The following SLC23A2 variants were observed in gnomAD, a reference collection of about 807,000 sequenced individuals.
SLC23A2 encodes the protein Na(+)/L-ascorbic acid transporter 2.
SLC23A2 carries 36 observed loss-of-function variants against 73.3 expected under a neutral mutation model. That is an observed-to-expected ratio of 0.49 (90% CI 0.38 to 0.65). The LOEUF is 0.65. SLC23A2 is among the 30% of genes least tolerant of loss of function. The pLI is 0.00. For synonymous variants in SLC23A2, 343 were observed against 327.3 expected (o/e 1.05, Z -0.52); for missense variants, 507 against 841.6 (o/e 0.60, Z 4.92).
chr20:4,970,364 C>T (rs1380788486), intron 2 of SLC23A2, among the ~76,000 whole-genome samples: 1 of 152,082 alleles, frequency 6.6e-6, no homozygotes, highest in Non-Finnish European at 1.5e-5. Context: ...GTTCTCAACA[C>T]GTAAAAAACG....
At chr20:4,984,996 G>T (rs2087800097) in intron 1 of SLC23A2, among the ~76,000 whole-genome samples, 2 of 152,086 alleles carry the variant, frequency 1.3e-5, no homozygotes, top group Admixed American at 1.3e-4. Flanking sequence ...AATTAGCTGG[G>T]CGTGGTGGCA....
At chr20:4,918,589 G>A in intron 3 of SLC23A2, among the ~76,000 whole-genome samples, 1 of 152,138 alleles carries the variant, frequency 6.6e-6, no homozygotes, top group East Asian at 1.9e-4. Flanking sequence ...TAGGAAGCAG[G>A]AGTGACAGAA....
intron 3 of SLC23A2, among the ~76,000 whole-genome samples, chr20:4,915,983 C>A (rs1242208967): frequency 6.6e-6 from 1 of 152,096 alleles, no homozygotes; most frequent in Non-Finnish European, 1.5e-5. Flanking sequence ...AAAATAAAAA[C>A]TATGCCAGAG....
chr20:4,881,816 A>G (rs1409299428), intron 9 of SLC23A2, among the ~76,000 whole-genome samples: 1 of 151,954 alleles, frequency 6.6e-6, no homozygotes, highest in Non-Finnish European at 1.5e-5. Flanking sequence ...TCTTGCCATC[A>G]TTTCCTAAAC....
intron 3 of SLC23A2, among the ~76,000 whole-genome samples, chr20:4,930,355 T>C (rs767318280): frequency 1.3e-5 from 2 of 152,242 alleles, no homozygotes; most frequent in African/African-American, 4.8e-5. Flanking sequence ...GTGTCAACCT[T>C]AAGCTTTCAA....
intron 1 of SLC23A2, among the ~76,000 whole-genome samples, chr20:5,008,952 C>T (rs1024783302): frequency 1.1e-4 from 16 of 152,092 alleles, no homozygotes; most frequent in African/African-American, 2.2e-4. Context: ...AAAAAAGCCA[C>T]GTACAGTATT....
At chr20:4,969,215 A>C (rs1042006654) in intron 2 of SLC23A2, among the ~76,000 whole-genome samples, 2 of 148,778 alleles carry the variant, frequency 1.3e-5, no homozygotes, top group African/African-American at 5.0e-5. Context: ...AGCCTCCCGA[A>C]TAGCTGGGAT....
At chr20:4,968,023 C>G (rs749575949) in intron 2 of SLC23A2, among the ~76,000 whole-genome samples, 1 of 152,190 alleles carries the variant, frequency 6.6e-6, no homozygotes, top group South Asian at 2.1e-4. Context: ...TGACACCAAC[C>G]ATCCAACTAG....
At position 4,969,615 on chromosome 20, in the gene SLC23A2, C is replaced by T. The variant is rs189303464; in HGVS notation, c.-155+1178G>A. On this transcript the variant is annotated intron_variant, in intron 2 of 16. Coordinates refer to ENST00000338244, the MANE Select transcript of SLC23A2 (RefSeq NM_005116.6). ...TTTTTTTTTTCTTGAGGCAGGGTCT[C>T]ACTCTGCCACCCAGGCTAGAGTGCG... Among the ~76,000 whole-genome samples the T allele has an allele frequency of 8.4e-3, 1,189 of 142,046 alleles. 15 individuals carry two copies. Among genetic ancestry groups the T allele is most frequent in the African/African-American group, 0.029 (1,110 of 37,694 alleles). 93.2% of individuals were successfully genotyped at this position (142,046 alleles called of 152,430 possible).
At chr20:4,866,581 A>G (rs1930209677) in intron 13 of SLC23A2, among the ~76,000 whole-genome samples, 1 of 152,208 alleles carries the variant, frequency 6.6e-6, no homozygotes, top group Non-Finnish European at 1.5e-5. Flanking sequence ...AGGGAGCAAC[A>G]GGCAGATGGG....
chr20:4,881,220 G>C (rs571270435), intron 9 of SLC23A2, among the ~76,000 whole-genome samples: 8 of 152,338 alleles, frequency 5.3e-5, no homozygotes, highest in Admixed American at 5.2e-4. Flanking sequence ...TTTACAGATG[G>C]AGATGTCTTG....
rs995426961 is a variant in SLC23A2, at chr20:4,998,058, T to C, written c.-282+3348A>G. Among the ~76,000 whole-genome samples, 1 of 152,150 alleles carries C rather than the reference T, an allele frequency of 6.6e-6. No individual in the cohort carries two copies. The highest frequency in any genetic ancestry group is 2.4e-5 in the African/African-American group (1 of 41,440). On this transcript the variant is annotated intron_variant, in intron 1 of 16. Coordinates refer to ENST00000338244, the MANE Select transcript of SLC23A2 (RefSeq NM_005116.6). The surrounding 1 kb of genome is among the most constrained non-coding windows in gnomAD (Gnocchi z 4.1). ...CCTTGGACTTCCCAGACTCCAGAATTATACGAAACAAATTTCCGTTGTTTA... is the reference window on the plus strand; with the variant it reads ...CCTTGGACTTCCCAGACTCCAGAATCATACGAAACAAATTTCCGTTGTTTA...
chr20:4,961,881 G>C (rs1469312657), intron 2 of SLC23A2, among the ~76,000 whole-genome samples: 1 of 152,188 alleles, frequency 6.6e-6, no homozygotes, highest in East Asian at 1.9e-4. Context: ...AAAACTTTTG[G>C]AATTTGTTCG....
In SLC23A2 at chr20:4,862,929, G is replaced by A; in HGVS notation, c.1357-22C>T. 1 of 1,595,852 alleles carries A rather than the reference G, an allele frequency of 6.3e-7. No homozygotes were observed. The highest frequency in any genetic ancestry group is 1.1e-5 in the South Asian group (1 of 90,368). ...CGACCTGCAGAACACACAGGAGACTGGGAAACAGGGACTCATCTCCATGCA... is the reference window on the plus strand; with the variant it reads ...CGACCTGCAGAACACACAGGAGACTAGGAAACAGGGACTCATCTCCATGCA... On this transcript the variant is annotated intron_variant, in intron 13 of 16. Coordinates refer to ENST00000338244, the MANE Select transcript of SLC23A2 (RefSeq NM_005116.6). This position sits in a 1 kb window ranked among gnomAD's most constrained non-coding sequence, Gnocchi z 5.1.
At chr20:4,867,578 C>T (rs923421740) in intron 13 of SLC23A2, among the ~76,000 whole-genome samples, 192 bp downstream of exon 13, 3 of 149,648 alleles carry the variant, frequency 2.0e-5, no homozygotes, top group South Asian at 2.1e-4. Context: ...CCTCCCTACC[C>T]GGACCAGCAA....
rs74381250 is a variant in SLC23A2 at position 4,874,132 on chromosome 20, C to T, written c.946-40G>A. The T allele has an allele frequency of 1.7e-5, 27 of 1,591,204 alleles. No homozygotes were observed. In the African/African-American group the frequency reaches 3.1e-4, roughly 18 times the overall value. On this transcript the variant is annotated intron_variant, in intron 10 of 16. Transcript: ENST00000338244. ...GGGAAGCTCTGTCAGGCCAGCAGGG[C>T]TCACAGGTGTTGGCAAAAAACACGT...
At position 4,895,571 on chromosome 20, in the gene SLC23A2, C is replaced by T. The variant is rs558259302; in HGVS notation, c.482+3984G>A. On this transcript the variant is annotated intron_variant, in intron 6 of 16. Transcript: ENST00000338244. ...TAAAATTAGGCGAAATATATCATTCCCAGGACACCTGAGGGAGAAGCCTTC... is the reference window on the plus strand; with the variant it reads ...TAAAATTAGGCGAAATATATCATTCTCAGGACACCTGAGGGAGAAGCCTTC... Among the ~76,000 whole-genome samples the T allele has an allele frequency of 1.2e-4, 19 of 152,168 alleles. No individual in the cohort carries two copies. In the East Asian group the frequency reaches 3.7e-3, roughly 29 times the overall value.
chr20:4,941,956 A>G (rs2087049212), intron 2 of SLC23A2, among the ~76,000 whole-genome samples: 1 of 152,214 alleles, frequency 6.6e-6, no homozygotes, highest in Admixed American at 6.5e-5. Context: ...GTTGAGTGAT[A>G]GAAACACAAA....
Position 4,854,931 on chromosome 20 carries a change from G to A in SLC23A2, c.*2041C>T, listed in dbSNP as rs1411414873. On this transcript the variant is annotated 3_prime_UTR_variant, in exon 17 of 17. Coordinates refer to ENST00000338244, the MANE Select transcript of SLC23A2 (RefSeq NM_005116.6). ...CCCCATTTTTCAGAGCAGAGAAACT[G>A]GAGATGTTGAGCAAAATCCAAACAG... is the stretch of plus-strand genomic sequence containing the variant. The A allele has an allele frequency of 6.6e-6, 1 of 152,496 alleles. No homozygotes were observed. The highest frequency in any genetic ancestry group is 2.4e-5 in the African/African-American group (1 of 41,400). The allele number at this position is 152,496 out of a possible 1,614,324, so 9.4% of individuals were successfully genotyped here. A position where few individuals can be genotyped will look rare whatever the true frequency, so the allele number is the denominator to read the frequency against.
Sources: allele counts gnomAD v4.1 joint callset (sites outside exome capture counted in the v4.1 genomes callset), GRCh38; gene constraint gnomAD v4.1.1; non-coding constraint Gnocchi (gnomAD v3.1); transcripts MANE v1.5; gene names NCBI Gene and HGNC (gene_info 2026-07-23, HGNC 2026-07-21).